Variants in DST observed in about 807,000 individuals in gnomAD.
The protein encoded by DST is dystonin.
Under a neutral mutation model 875.2 loss-of-function variants are expected in DST, and 253 were observed. That is an observed-to-expected ratio of 0.29 (90% confidence interval 0.26 to 0.32). DST has a LOEUF of 0.32. Ranked by LOEUF, DST falls within the 10% of genes least tolerant of loss-of-function variation. The pLI is 1.00. For missense variants in DST, 8,287 were observed against 9,111.6 expected (o/e 0.91, Z 3.68); for synonymous variants, 3,124 against 3,197.1 (o/e 0.98, Z 0.77).
At chr6:56,647,668 T>C (rs1323839789) in intron 13 of DST, among the ~76,000 whole-genome samples, 9 of 151,650 alleles carry the variant, frequency 5.9e-5, no homozygotes, top group Admixed American at 3.9e-4. Flanking sequence ...GTTTACATAT[T>C]TGTAATGGCT....
At chr6:56,707,624 A>G (rs1442198082) in intron 5 of DST, among the ~76,000 whole-genome samples, 1 of 151,750 alleles carries the variant, frequency 6.6e-6, no homozygotes, top group East Asian at 1.9e-4. Flanking sequence ...CTTACATTTC[A>G]CTCTATATTC....
Position 56,603,396 on chromosome 6 carries a change from T to C in DST, c.10966A>G (p.Ile3656Val). ...LETFELGLAP[I>V]AVILRKDMKL... is the part of the protein sequence containing the mutation. ...ATATCTTTTCTTAAAATAACAGCAA[T>C]TGGAGCTAATCCCAATTCAAATGTC... Residue 3656 changes from isoleucine (I) to valine (V), a missense_variant, in exon 42 of 104, where the codon ATT (isoleucine) becomes GTT (valine). By Grantham distance (29) the Ile-to-Val change is conservative. Around this residue, in one of 10 missense-constraint regions of DST, gnomAD observed 3,138 missense variants for 3,116.6 expected, o/e 1.01. Transcript: ENST00000680361. 6.2e-7 allele frequency: 1 copy of C among 1,610,596 alleles called. No homozygotes were observed. Among genetic ancestry groups the C allele is most frequent in the Non-Finnish European group, 8.5e-7 (1 of 1,179,050 alleles).
intron 1 of DST, among the ~76,000 whole-genome samples, chr6:56,954,095 T>C (rs999278099): frequency 8.5e-5 from 13 of 152,214 alleles, no homozygotes; most frequent in Admixed American, 5.9e-4. Flanking sequence ...GAAGGATGCG[T>C]GAAGGCGAGG....
intron 98 of DST, chr6:56,467,431 T>C (rs2152388417): frequency 6.6e-6 from 1 of 152,266 alleles, no homozygotes; most frequent in Non-Finnish European, 1.5e-5. Context: ...ATCAAACTTT[T>C]AAAAACCACT....
At chr6:56,919,732 A>G (rs796721041) in intron 2 of DST, among the ~76,000 whole-genome samples, 4 of 152,322 alleles carry the variant, frequency 2.6e-5, no homozygotes, top group African/African-American at 9.6e-5. Flanking sequence ...ATATCACTTG[A>G]GCCCAGGAGT....
chr6:56,835,537 A>G (rs1180873512), intron 4 of DST, among the ~76,000 whole-genome samples: 1 of 152,214 alleles, frequency 6.6e-6, no homozygotes, highest in Non-Finnish European at 1.5e-5. Context: ...GCATTTTTTA[A>G]AAGACTACTG....
chr6:56,879,156 C>T (rs1250499612), intron 3 of DST, among the ~76,000 whole-genome samples: 3 of 152,180 alleles, frequency 2.0e-5, no homozygotes, highest in East Asian at 1.9e-4. Flanking sequence ...CAACTTTCTA[C>T]GTATCTTACT....
intron 4 of DST, among the ~76,000 whole-genome samples, chr6:56,779,389 A>T (rs1021140359): frequency 2.0e-5 from 3 of 151,922 alleles, no homozygotes; most frequent in East Asian, 1.9e-4. Flanking sequence ...TTTAGTTTAA[A>T]TAGATCCCAT....
chr6:56,855,946 A>AT (rs1274748020), intron 3 of DST, among the ~76,000 whole-genome samples: 3 of 151,624 alleles, frequency 2.0e-5, no homozygotes, highest in Non-Finnish European at 2.9e-5. Flanking sequence ...CCAGGAATTC[A>AT]TTTTTTTTTC....
At chr6:56,782,733 C>T (rs1057073540) in intron 4 of DST, among the ~76,000 whole-genome samples, 26 of 152,104 alleles carry the variant, frequency 1.7e-4, no homozygotes, top group Non-Finnish European at 3.1e-4. Flanking sequence ...TTCAGTTCTG[C>T]TCTGATTTTC....
chr6:56,750,720 A>G (rs889942012), intron 4 of DST, among the ~76,000 whole-genome samples: 4 of 152,232 alleles, frequency 2.6e-5, no homozygotes, highest in Admixed American at 1.3e-4. Flanking sequence ...TGATGTGCCA[A>G]TAGCAACAGA....
At chr6:56,631,780 G>C in intron 29 of DST, 103 bp downstream of exon 29, 1 of 1,015,134 alleles carries the variant, frequency 9.9e-7, no homozygotes, top group Non-Finnish European at 1.6e-6. Context: ...CACTAGACTG[G>C]CTAGTGTGAG....
chr6:56,561,088 G>T (rs1314689376), intron 57 of DST, among the ~76,000 whole-genome samples: 1 of 152,052 alleles, frequency 6.6e-6, no homozygotes, highest in Non-Finnish European at 1.5e-5. Flanking sequence ...ACACCCAACA[G>T]TTTGCTAACC....
At chr6:56,734,956 T>C (rs534125741) in intron 5 of DST, 46 of 304,360 alleles carry the variant, frequency 1.5e-4, no homozygotes, top group Middle Eastern at 9.7e-4. Context: ...TTTCTGAAAC[T>C]TCTGAGATTT....
chr6:56,615,514 C>A (rs2098605056), intron 36 of DST: 1 of 1,613,834 alleles, frequency 6.2e-7, no homozygotes, highest in Non-Finnish European at 8.5e-7. Flanking sequence ...TAAACATGTC[C>A]CATTAGGAAG....
At chr6:56,820,549 T>G (rs2099771930) in intron 4 of DST, among the ~76,000 whole-genome samples, 1 of 152,212 alleles carries the variant, frequency 6.6e-6, no homozygotes, top group Non-Finnish European at 1.5e-5. Context: ...TCCATCTGTA[T>G]AGTGGAAATA....
At chr6:56,596,188 C>A (rs2098383831) in intron 47 of DST, among the ~76,000 whole-genome samples, 1 of 151,972 alleles carries the variant, frequency 6.6e-6, no homozygotes, top group Admixed American at 6.6e-5. Flanking sequence ...ACCACCACAC[C>A]CAGCTAATTT....
chr6:56,812,813 G>C (rs1380255294), intron 4 of DST, among the ~76,000 whole-genome samples: 1 of 152,182 alleles, frequency 6.6e-6, no homozygotes, highest in African/African-American at 2.4e-5. Flanking sequence ...AACCATTGTG[G>C]AAGTCAGTGT....
At chr6:56,675,124 T>C (rs1230285367) in intron 9 of DST, among the ~76,000 whole-genome samples, 1 of 152,218 alleles carries the variant, frequency 6.6e-6, no homozygotes, top group African/African-American at 2.4e-5. Flanking sequence ...TCAATTGATA[T>C]TTGACAAAGA....
Sources: gnomAD v4.1 joint callset for allele counts (sites outside exome capture counted in the v4.1 genomes callset) on GRCh38, gnomAD v4.1.1 for gene constraint, gnomAD v4.1.1 regional missense constraint, MANE v1.5 for transcripts, NCBI Gene and HGNC (gene_info 2026-07-23, HGNC 2026-07-21) for gene names.